COG5: variants seen among roughly 807,000 people sequenced by gnomAD.
The protein encoded by COG5 is conserved oligomeric Golgi complex subunit 5.
Under a neutral mutation model 110.4 loss-of-function variants are expected in COG5, and 86 were observed. The ratio of observed to expected loss-of-function variants is 0.78; its 90% CI spans 0.65 to 0.93. The LOEUF is 0.93. COG5 is among the 40% of genes least tolerant of loss of function. COG5 has a pLI of 0.00. For missense variants in COG5, 1,077 were observed against 987.0 expected, an observed-to-expected ratio of 1.09 and a Z score of -1.22; for synonymous variants, 360 against 334.6, an observed-to-expected ratio of 1.08 and a Z score of -0.83.
chr7:107,480,840 A>G (rs181090113), intron 6 of COG5: 2 of 152,338 alleles, frequency 1.3e-5, no homozygotes, highest in Admixed American at 6.5e-5. Flanking sequence ...CAAAAGCCAT[A>G]ACTTTTAAGA....
chr7:107,491,081 T>TC (rs774318091), intron 6 of COG5, among the ~76,000 whole-genome samples: 6 of 152,114 alleles, frequency 3.9e-5, no homozygotes, highest in Non-Finnish European at 5.9e-5. Flanking sequence ...AATATCAATT[T>TC]CATACTTAGT....
intron 12 of COG5, 97 bp from the exon 13 acceptor site, chr7:107,283,829 C>A: frequency 1.2e-6 from 1 of 824,664 alleles, no homozygotes. Context: ...ATGCACCTCC[C>A]ATAAAAATGT....
chr7:107,494,246 G>A (rs1798137503), intron 6 of COG5, among the ~76,000 whole-genome samples: 1 of 152,096 alleles, frequency 6.6e-6, no homozygotes, highest in African/African-American at 2.4e-5. Context: ...ATGAGAAACA[G>A]GCAAATACAA....
At chr7:107,346,493 A>T (rs970301592) in intron 10 of COG5, among the ~76,000 whole-genome samples, 4 of 152,168 alleles carry the variant, frequency 2.6e-5, no homozygotes, top group African/African-American at 9.7e-5. Flanking sequence ...TCACTTCATT[A>T]TTAGATATTA....
intron 10 of COG5, among the ~76,000 whole-genome samples, chr7:107,360,110 A>G (rs1376010454): frequency 6.6e-6 from 1 of 152,064 alleles, no homozygotes; most frequent in Non-Finnish European, 1.5e-5. Flanking sequence ...GGCTGCATGG[A>G]TGTCGGGATG....
chr7:107,328,344 G>C (rs969056279), intron 10 of COG5, among the ~76,000 whole-genome samples: 4 of 152,224 alleles, frequency 2.6e-5, no homozygotes, highest in Admixed American at 2.0e-4. Context: ...CAGTACTACA[G>C]TCTTATGAGG....
chr7:107,536,221 GC>G (rs1801573898), intron 5 of COG5, among the ~76,000 whole-genome samples: 1 of 152,170 alleles, frequency 6.6e-6, no homozygotes, highest in South Asian at 2.1e-4. Flanking sequence ...AGTCAAGGAT[GC>G]CCCTTCTCAC....
intron 14 of COG5, among the ~76,000 whole-genome samples, chr7:107,266,037 C>A (rs528069295): frequency 2.0e-5 from 3 of 152,018 alleles, no homozygotes; most frequent in South Asian, 2.1e-4. Context: ...GGGTGACAGA[C>A]CCTGTCTCCA....
intron 14 of COG5, among the ~76,000 whole-genome samples, chr7:107,276,443 A>G (rs1173414203): frequency 3.3e-5 from 5 of 152,196 alleles, no homozygotes; most frequent in Non-Finnish European, 5.9e-5. Flanking sequence ...GGCCAAGGCT[A>G]TGGATCATTT....
intron 6 of COG5, among the ~76,000 whole-genome samples, chr7:107,485,287 T>A (rs1041375008): frequency 2.0e-5 from 3 of 152,202 alleles, no homozygotes; most frequent in African/African-American, 7.2e-5. Flanking sequence ...AAGAAAAGTC[T>A]ACTTTGCCTG....
chr7:107,528,972 T>G (rs984963261), intron 5 of COG5, among the ~76,000 whole-genome samples: 1 of 147,124 alleles, frequency 6.8e-6, no homozygotes, highest in Non-Finnish European at 1.5e-5. Flanking sequence ...AATCAAGTAT[T>G]AAACATGTTT....
rs751462135 is a variant in COG5, at chr7:107,372,681, T to C, written c.749A>G (p.Asp250Gly). 1.2e-6 allele frequency: 2 copies of C among 1,613,558 alleles called. No individual in the cohort carries two copies. Among genetic ancestry groups the C allele is most frequent in the Admixed American group, 1.7e-5 (1 of 59,986 alleles). ...TLKDTITSVV[D>G]GYCATLEENI... ...TTCTTCTAAAGTAGCACAATATCCA[T>C]CCACAACACTGGTAATAGTATCCTT... The change falls in exon 8 of 22, where the codon GAT (aspartate) becomes GGT (glycine). Residue 250 changes from aspartate (D) to glycine (G), a missense_variant. Coordinates refer to ENST00000297135, the MANE Select transcript of COG5 (RefSeq NM_006348.5).
intron 19 of COG5, among the ~76,000 whole-genome samples, chr7:107,227,461 T>A (rs2116369343): frequency 6.6e-6 from 1 of 152,310 alleles, no homozygotes; most frequent in South Asian, 2.1e-4. Context: ...GATTCTTGAT[T>A]CTATAAATAG....
chr7:107,558,220 A>G lies in COG5; in HGVS notation c.95-105T>C, dbSNP rs565526843. ...CATAATTAACATATTTTGATCCCAT[A>G]CTCTGAACCACTCCACTATACTGCT... On this transcript the variant is annotated intron_variant, in intron 1 of 21. Coordinates refer to ENST00000297135, the MANE Select transcript of COG5 (RefSeq NM_006348.5). The G allele has an allele frequency of 4.4e-5, 47 of 1,072,968 alleles. No homozygotes were observed. In the African/African-American group the frequency reaches 6.7e-4, roughly 15 times the overall value. 66.5% of individuals were successfully genotyped at this position (1,072,968 alleles called of 1,614,324 possible). A position where few individuals can be genotyped will look rare whatever the true frequency, so the allele number is the denominator to read the frequency against.
At chr7:107,349,006 C>A (rs563939956) in intron 10 of COG5, among the ~76,000 whole-genome samples, 1 of 152,218 alleles carries the variant, frequency 6.6e-6, no homozygotes, top group East Asian at 1.9e-4. Context: ...GGATTACACA[C>A]ATGTACCAAC....
intron 10 of COG5, among the ~76,000 whole-genome samples, chr7:107,340,234 T>C (rs1282996031): frequency 6.6e-6 from 1 of 152,114 alleles, no homozygotes; most frequent in East Asian, 1.9e-4. Context: ...CCTCAGAGAC[T>C]ATTAGGAACA....
At chr7:107,561,852 T>C (rs1192287497) in intron 1 of COG5, among the ~76,000 whole-genome samples, 1 of 152,090 alleles carries the variant, frequency 6.6e-6, no homozygotes, top group East Asian at 1.9e-4. Context: ...GATGGGCGCT[T>C]GTAGTCCCAG....
chr7:107,289,004 T>C (rs1226665616), intron 12 of COG5, among the ~76,000 whole-genome samples: 2 of 144,054 alleles, frequency 1.4e-5, no homozygotes, highest in East Asian at 2.1e-4. Flanking sequence ...CATTGATTGA[T>C]TGATTGAGAT....
intron 6 of COG5, among the ~76,000 whole-genome samples, chr7:107,481,538 C>T (rs764924424): frequency 2.8e-4 from 43 of 151,938 alleles, no homozygotes; most frequent in Admixed American, 1.8e-3. Context: ...CAATCCCATA[C>T]GTCATATACT....
Sources: gnomAD v4.1 joint callset for allele counts (sites outside exome capture counted in the v4.1 genomes callset) on GRCh38, gnomAD v4.1.1 for gene constraint, MANE v1.5 for transcripts, NCBI Gene and HGNC (gene_info 2026-07-23, HGNC 2026-07-21) for gene names.